CCDC62: variants seen among roughly 807,000 people sequenced by gnomAD.
CCDC62 encodes the protein coiled-coil domain-containing protein 62.
A neutral mutation model predicts 80.8 loss-of-function variants in CCDC62; 72 were observed. The ratio of observed to expected loss-of-function variants is 0.89; its 90% CI spans 0.74 to 1.08. The LOEUF is 1.08. Among genes scored for constraint, CCDC62 ranks in the 50% least tolerant of loss-of-function variants. CCDC62 has a pLI of 0.00. For missense variants in CCDC62, 704 were observed against 809.4 expected (o/e 0.87, Z 1.58); for synonymous variants, 286 against 296.5 (o/e 0.96, Z 0.36).
intron 4 of CCDC62, among the ~76,000 whole-genome samples, chr12:122,787,699 C>A (rs567624519): frequency 6.6e-6 from 1 of 150,480 alleles, no homozygotes; most frequent in Non-Finnish European, 1.5e-5. Flanking sequence ...TGTGGTAAGC[C>A]GAGATCACGC....
chr12:122,813,633 A>G (rs2032038882), intron 11 of CCDC62, among the ~76,000 whole-genome samples: 2 of 152,098 alleles, frequency 1.3e-5, no homozygotes, highest in Non-Finnish European at 1.5e-5. Flanking sequence ...TCTGGGGCAT[A>G]TGAAGATAAA....
chr12:122,784,808 C>T (rs2030110223), intron 3 of CCDC62, among the ~76,000 whole-genome samples: 1 of 152,040 alleles, frequency 6.6e-6, no homozygotes, highest in East Asian at 1.9e-4. Flanking sequence ...GCACTCCAGC[C>T]TGGGTGACAG....
intron 9 of CCDC62, among the ~76,000 whole-genome samples, chr12:122,805,027 GGC>G (rs2031511625): frequency 6.6e-6 from 1 of 151,518 alleles, no homozygotes; most frequent in South Asian, 2.1e-4. Context: ...TGAGATTACA[GGC>G]GCGCGCCACC....
At chr12:122,779,121 C>T (rs1879665953) in intron 2 of CCDC62, among the ~76,000 whole-genome samples, 1 of 152,018 alleles carries the variant, frequency 6.6e-6, no homozygotes, top group Non-Finnish European at 1.5e-5. Context: ...TTAAAATGAG[C>T]AAGATTTGAA....
intron 10 of CCDC62, among the ~76,000 whole-genome samples, chr12:122,806,846 T>TA (rs200545254): frequency 0.01 from 1,422 of 137,274 alleles, 24 homozygotes; most frequent in African/African-American, 0.035. Context: ...ATGTTGGTTG[T>TA]AAAAAAAAAA....
At chr12:122,774,761 G>A (rs1165399211) in intron 1 of CCDC62, 55 bp downstream of exon 1, 5 of 1,189,988 alleles carry the variant, frequency 4.2e-6, no homozygotes, top group African/African-American at 1.6e-5. Context: ...CACATTGGTC[G>A]AAATCTATTG....
chr12:122,803,392 G>T (rs1423771685), intron 9 of CCDC62, among the ~76,000 whole-genome samples: 1 of 152,066 alleles, frequency 6.6e-6, no homozygotes, highest in Non-Finnish European at 1.5e-5. Flanking sequence ...CCTTATTCAG[G>T]CTTGTCTTAT....
At position 122,813,342 on chromosome 12, in the gene CCDC62, C is replaced by T. The variant is rs776640583; in HGVS notation, c.1924C>T (p.Arg642Cys). 8.1e-6 allele frequency: 13 copies of T among 1,614,010 alleles called. No individual in the cohort carries two copies. The Admixed American group carries it at 1.5e-4, about 19-fold the overall frequency. ...SKLQRLLAES[R>C]QMVTDLELST... is the part of the protein sequence containing the mutation. ...GCTCCAGCGTTTGCTGGCGGAATCT[C>T]GTCAGATGGTGACGGACCTGGAGCT... The change falls in exon 11 of 13, where the codon CGT (arginine) becomes TGT (cysteine). Residue 642 changes from arginine to cysteine, a missense_variant. Arg to Cys is a radical substitution (Grantham distance 180). Transcript: ENST00000253079.
Position 122,785,700 on chromosome 12 carries a change from C to G in CCDC62, c.397-19C>G. On this transcript the variant is annotated intron_variant, in intron 3 of 12. Coordinates refer to ENST00000253079, the MANE Select transcript of CCDC62 (RefSeq NM_201435.5). ...TTTAAAAGGACTCAAGCAGTATCAT[C>G]TGTGTTGTTTTCTTGTAGGCTAGAA... 1 of 1,524,968 alleles carries G rather than the reference C, an allele frequency of 6.6e-7. No homozygotes were observed. The highest frequency in any genetic ancestry group is 1.1e-5 in the South Asian group (1 of 89,322). 94.5% of individuals were successfully genotyped at this position (1,524,968 alleles called of 1,614,324 possible).
At chr12:122,792,290 G>T (rs538506823) in intron 6 of CCDC62, among the ~76,000 whole-genome samples, 169 bp downstream of exon 6, 1 of 147,730 alleles carries the variant, frequency 6.8e-6, no homozygotes, top group African/African-American at 2.5e-5. Context: ...GTGCAATCTC[G>T]TCTGACTGCA....
chr12:122,793,686 A>G (rs771623689), intron 6 of CCDC62, among the ~76,000 whole-genome samples: 6 of 151,854 alleles, frequency 4.0e-5, no homozygotes, highest in Non-Finnish European at 7.4e-5. Context: ...AGCTCCTGGG[A>G]TCAAGCGATC....
intron 10 of CCDC62, among the ~76,000 whole-genome samples, chr12:122,809,675 G>C (rs936500279): frequency 6.6e-6 from 1 of 152,198 alleles, no homozygotes; most frequent in Admixed American, 6.6e-5. Context: ...ATACTTTAAA[G>C]TTCATATAGA....
rs34620795 is a variant in CCDC62, at chr12:122,820,061, C to CAAAAAA, written c.2002-3288_2002-3283dup. On this transcript the variant is annotated intron_variant, in intron 11 of 12. Coordinates refer to ENST00000253079, the MANE Select transcript of CCDC62 (RefSeq NM_201435.5). ...TGAGCGATACAGCAAGATCCTGTCT[C>CAAAAAA]AAAAAAAAAAAAAAAAAAAAAAGAA... is the stretch of plus-strand genomic sequence containing the variant. 9.7e-3 allele frequency among the ~76,000 whole-genome samples: 564 copies of CAAAAAA among 58,008 alleles called. 26 individuals are homozygous for CAAAAAA. The highest frequency in any genetic ancestry group is 0.015 in the South Asian group (18 of 1,200). 38.1% of individuals were successfully genotyped at this position (58,008 alleles called of 152,430 possible). A position where few individuals can be genotyped will look rare whatever the true frequency, so the allele number is the denominator to read the frequency against.
chr12:122,790,131 A>T (rs1285533378), intron 5 of CCDC62, among the ~76,000 whole-genome samples: 1 of 151,626 alleles, frequency 6.6e-6, no homozygotes, highest in East Asian at 2.0e-4. Flanking sequence ...GCTCACTGCA[A>T]CCTCCACCTC....
intron 10 of CCDC62, 127 bp from the exon 11 acceptor site, chr12:122,813,143 A>T (rs148851600): frequency 1.1e-6 from 1 of 946,364 alleles, no homozygotes; most frequent in Non-Finnish European, 1.6e-6. Flanking sequence ...ATCAGCTGTG[A>T]TTGTGCCACT....
At chr12:122,815,516 G>A (rs1255545289) in intron 11 of CCDC62, among the ~76,000 whole-genome samples, 2 of 151,336 alleles carry the variant, frequency 1.3e-5, no homozygotes, top group Admixed American at 6.6e-5. Context: ...GCGCGATCTC[G>A]GCTCACTGCA....
intron 4 of CCDC62, among the ~76,000 whole-genome samples, chr12:122,788,169 T>A (rs762968700): frequency 1.3e-5 from 2 of 152,144 alleles, no homozygotes; most frequent in Non-Finnish European, 2.9e-5. Flanking sequence ...CTTTTACTTA[T>A]TTTTATACTT....
chr12:122,808,742 G>C (rs953677461), intron 10 of CCDC62, among the ~76,000 whole-genome samples: 6 of 152,034 alleles, frequency 3.9e-5, no homozygotes, highest in African/African-American at 1.4e-4. Flanking sequence ...GCCCAGGGTG[G>C]TCTCAAACTC....
chr12:122,816,803 G>GT (rs71724574), intron 11 of CCDC62, among the ~76,000 whole-genome samples: 17 of 151,672 alleles, frequency 1.1e-4, no homozygotes, highest in South Asian at 6.2e-4. Context: ...CAATTTGGTG[G>GT]TTTTTTTTAA....
Sources: gnomAD v4.1 joint callset for allele counts (sites outside exome capture counted in the v4.1 genomes callset) on GRCh38, gnomAD v4.1.1 for gene constraint, MANE v1.5 for transcripts, NCBI Gene and HGNC (gene_info 2026-07-23, HGNC 2026-07-21) for gene names.